TNRC6C: variants seen among roughly 807,000 people sequenced by gnomAD.
TNRC6C encodes trinucleotide repeat containing adaptor 6C, also known as trinucleotide repeat-containing gene 6C protein.
TNRC6C carries 20 observed loss-of-function variants against 153.7 expected under a neutral mutation model. The observed-to-expected ratio is 0.13, with a 90% confidence interval of 0.09 to 0.19. TNRC6C has a LOEUF of 0.19. Ranked by LOEUF, TNRC6C falls within the 10% of genes least tolerant of loss-of-function variation. TNRC6C has a pLI of 1.00. For missense variants in TNRC6C, 1,987 were observed against 2,172.0 expected, an observed-to-expected ratio of 0.91 and a Z score of 1.69; for synonymous variants, 811 against 841.4, an observed-to-expected ratio of 0.96 and a Z score of 0.63.
exon 18 of TNRC6C, chr17:78,102,493 C>T (rs749777437): frequency 2.5e-6 from 4 of 1,608,190 alleles, no homozygotes; most frequent in Non-Finnish European, 3.4e-6. Context: ...GGAGCACCGA[C>T]ACCTCAGGAA....
upstream of TNRC6C, among the ~76,000 whole-genome samples, chr17:78,003,250 T>C (rs759031482): frequency 3.3e-5 from 5 of 152,118 alleles, no homozygotes; most frequent in Non-Finnish European, 7.4e-5. Context: ...AAGCCCCTAA[T>C]TGGTATTTCA....
intron 7 of TNRC6C, among the ~76,000 whole-genome samples, chr17:78,074,666 G>A (rs575230749): frequency 1.1e-4 from 17 of 152,318 alleles, no homozygotes; most frequent in African/African-American, 3.4e-4. Flanking sequence ...AGGACTCGGT[G>A]AATGGAGAGG....
At chr17:78,096,088 T>C (rs756534097) in intron 16 of TNRC6C, among the ~76,000 whole-genome samples, 1 of 152,110 alleles carries the variant, frequency 6.6e-6, no homozygotes, top group Non-Finnish European at 1.5e-5. Flanking sequence ...TGGGATTACA[T>C]GCGTGAGCCA....
At position 78,093,775 on chromosome 17, in the gene TNRC6C, G is replaced by A; in HGVS notation, c.4306+12G>A. ...CCTCAAGAGTGGAGGTGAGGGTGCT[G>A]CTCTTCCTGCCTCTGCATGGACGGT... On this transcript the variant is annotated intron_variant, in intron 16 of 19. Transcript: ENST00000301624. 1 of 1,613,368 alleles carries A rather than the reference G, an allele frequency of 6.2e-7. No individual in the cohort carries two copies.
intron 1 of TNRC6C, among the ~76,000 whole-genome samples, chr17:78,028,100 G>A (rs138620988): frequency 0.023 from 3,520 of 152,102 alleles, 197 homozygotes; most frequent in East Asian, 0.19. Context: ...GGGTTTCACC[G>A]TGTTAGTCAG....
rs766958610 is a variant in TNRC6C at position 78,051,311 on chromosome 17, C to T, written c.2249C>T (p.Pro750Leu). ...GTAAACATGTGGGATAGAAACAACCCGGTCATCCAGAGCAGTACCACGACC... is the reference window on the plus strand; with the variant it reads ...GTAAACATGTGGGATAGAAACAACCTGGTCATCCAGAGCAGTACCACGACC... Residue 750 changes from proline to leucine, a missense_variant, in exon 3 of 20, where the codon CCG (proline) becomes CTG (leucine). Around this residue, in one of 4 missense-constraint regions of TNRC6C, gnomAD observed 1,052 missense variants for 1,017.0 expected, o/e 1.03. Coordinates refer to ENST00000301624, the Ensembl canonical transcript of TNRC6C. 1.1e-5 allele frequency: 17 copies of T among 1,551,590 alleles called. No homozygotes were observed. The highest frequency in any genetic ancestry group is 4.1e-5 in the African/African-American group (3 of 72,938).
At chr17:78,095,603 C>CCT (rs2073471528) in intron 16 of TNRC6C, among the ~76,000 whole-genome samples, 1 of 152,216 alleles carries the variant, frequency 6.6e-6, no homozygotes, top group Admixed American at 6.5e-5. Context: ...TCATGCCAGG[C>CCT]CTCCCCTTCA....
At chr17:78,068,140 C>T (rs1438998920) in intron 5 of TNRC6C, among the ~76,000 whole-genome samples, 1 of 152,212 alleles carries the variant, frequency 6.6e-6, no homozygotes, top group Admixed American at 6.5e-5. Flanking sequence ...AGTCTCTCTC[C>T]GGTATAGGGT....
chr17:78,082,136 A>G (rs141854287), intron 10 of TNRC6C, among the ~76,000 whole-genome samples: 4 of 150,628 alleles, frequency 2.7e-5, no homozygotes, highest in African/African-American at 7.3e-5. Context: ...TCCCAGGCAG[A>G]TTGGCAGGTC....
In TNRC6C at chr17:78,029,385, A is replaced by G. The variant is rs111532609; in HGVS notation, c.-545-2131A>G. Among the ~76,000 whole-genome samples, 521 of 152,380 alleles carry G rather than the reference A, an allele frequency of 3.4e-3. 2 individuals carry two copies. The highest frequency in any genetic ancestry group is 0.012 in the African/African-American group (502 of 41,588). On this transcript the variant is annotated intron_variant, in intron 1 of 19. Transcript: ENST00000301624. Reference sequence around the variant, plus strand: ...GCAAGCCTCTACAGCATGTTACTATACTGAATACTGTAGGCAGTTGCAACA... The same window carrying G: ...GCAAGCCTCTACAGCATGTTACTATGCTGAATACTGTAGGCAGTTGCAACA...
At chr17:77,999,671 T>C (rs1456446328), upstream of TNRC6C, among the ~76,000 whole-genome samples, 3 of 152,200 alleles carry the variant, frequency 2.0e-5, no homozygotes, top group African/African-American at 4.8e-5. Flanking sequence ...TTCAGGAGGC[T>C]GTACTTACCT....
intron 4 of TNRC6C, among the ~76,000 whole-genome samples, chr17:78,066,044 A>C (rs1421747220): frequency 6.6e-6 from 1 of 152,166 alleles, no homozygotes; most frequent in Non-Finnish European, 1.5e-5. Context: ...CAGCCTGGCC[A>C]ACAAGGTGAA....
chr17:78,051,068 G>A, exon 3 of TNRC6C: 1 of 1,607,664 alleles, frequency 6.2e-7, no homozygotes, highest in Non-Finnish European at 8.5e-7. Flanking sequence ...AACTGGGCTA[G>A]CAAACCCCAA....
chr17:78,102,603 C>T (rs1228978966), intron 18 of TNRC6C, 59 bp downstream of exon 21: 5 of 1,525,368 alleles, frequency 3.3e-6, no homozygotes, highest in African/African-American at 2.8e-5. Flanking sequence ...CCGCTTGGCC[C>T]CCAATGCAGA....
intron 2 of TNRC6C, among the ~76,000 whole-genome samples, chr17:78,034,461 G>C (rs1478342219): frequency 6.6e-6 from 1 of 151,282 alleles, no homozygotes; most frequent in African/African-American, 2.4e-5. Flanking sequence ...CTTAATTGCT[G>C]CCCCCCCAAC....
At chr17:77,966,625 C>T (rs2070898663) in intron 1 of TNRC6C, among the ~76,000 whole-genome samples, 1 of 152,174 alleles carries the variant, frequency 6.6e-6, no homozygotes, top group Non-Finnish European at 1.5e-5. Flanking sequence ...GGAAAGATGA[C>T]ACACAAGATA....
At chr17:78,099,977 A>G (rs1414198426) in intron 17 of TNRC6C, among the ~76,000 whole-genome samples, 1 of 152,228 alleles carries the variant, frequency 6.6e-6, no homozygotes, top group Non-Finnish European at 1.5e-5. Context: ...CCCATGCAAG[A>G]CCAAAATCCA....
At chr17:77,996,875 A>G (rs918006472) in intron 1 of TNRC6C, among the ~76,000 whole-genome samples, 1 of 152,198 alleles carries the variant, frequency 6.6e-6, no homozygotes, top group African/African-American at 2.4e-5. Flanking sequence ...ATTGTGGGTG[A>G]GAGGAAAATC....
chr17:77,995,241 C>T (rs1052821835), intron 1 of TNRC6C, among the ~76,000 whole-genome samples: 1 of 152,170 alleles, frequency 6.6e-6, no homozygotes, highest in Non-Finnish European at 1.5e-5. Context: ...GCTGTGTTGA[C>T]GGAACTTGAA....
Sources: allele counts gnomAD v4.1 joint callset (sites outside exome capture counted in the v4.1 genomes callset), GRCh38; gene constraint gnomAD v4.1.1; regional missense constraint gnomAD v4.1.1; transcripts MANE v1.5; gene names NCBI Gene and HGNC (gene_info 2026-07-23, HGNC 2026-07-21).